Variants in WDR55 observed in about 807,000 individuals in gnomAD.
The protein encoded by WDR55 is WD repeat-containing protein 55.
Under a neutral mutation model 34.0 loss-of-function variants are expected in WDR55, and 31 were observed. The observed-to-expected ratio is 0.91, with a 90% CI of 0.69 to 1.23. WDR55 has a LOEUF of 1.23. WDR55 is among the 50% of genes most tolerant of loss of function. The probability of loss-of-function intolerance (pLI) is 0.00; values close to 1 mark genes in which losing one functional copy is unlikely to be tolerated. For missense variants in WDR55, 440 were observed against 494.6 expected (o/e 0.89, Z 1.05); for synonymous variants, 164 against 185.9 (o/e 0.88, Z 0.96).
chr5:140,668,946 T>G lies in WDR55; in HGVS notation c.616T>G (p.Ser206Ala). Reference protein sequence around the residue: ...NIKRRRFELLSEPQSGDLTSV... With the variant: ...NIKRRRFELLAEPQSGDLTSV... ...TAAGAGGCGTCGGTTTGAGCTGCTC[T>G]CAGAACCTCAGTCTGGGGACCTGAC... is the stretch of plus-strand genomic sequence containing the variant. The change falls in exon 5 of 7, where the codon TCA (serine) becomes GCA (alanine). Residue 206 changes from serine (S) to alanine (A), a missense_variant. Transcript: ENST00000358337. 6.2e-7 allele frequency: 1 copy of G among 1,614,198 alleles called. No individual in the cohort carries two copies. Among genetic ancestry groups the G allele is most frequent in the Non-Finnish European group, 8.5e-7 (1 of 1,180,036 alleles).
chr5:140,672,055 AGTACC>A lies in WDR55; in HGVS notation c.*2406_*2410del. On this transcript the variant is annotated 3_prime_UTR_variant, in exon 7 of 7. Transcript: ENST00000358337. The stretch of plus-strand genomic sequence containing the variant: ...TTGCTGTAAGTCAGTCAGTGTGCTA[AGTACC>A]GTACACCCATTATGTTACTTAATTC... The A allele has an allele frequency of 1.8e-6, 1 of 565,184 alleles. No individual in the cohort carries two copies. The highest frequency in any genetic ancestry group is 2.0e-5 in the South Asian group (1 of 48,800). 35.0% of individuals were successfully genotyped at this position (565,184 alleles called of 1,614,324 possible). A position where few individuals can be genotyped will look rare whatever the true frequency, so the allele number is the denominator to read the frequency against.
chr5:140,665,124 GGGCGCC>G, intron 1 of WDR55, 21 bp downstream of exon 1: 4 of 1,556,204 alleles, frequency 2.6e-6, no homozygotes, highest in Middle Eastern at 1.8e-4. Context: ...GGCAGGGCCG[GGGCGCC>G]GGGTCTGGAA....
rs573335362 is a variant in WDR55 at position 140,671,201 on chromosome 5, G to A, written c.*1547G>A. On this transcript the variant is annotated 3_prime_UTR_variant, in exon 7 of 7. Coordinates refer to ENST00000358337, the MANE Select transcript of WDR55 (RefSeq NM_017706.5). ...GGGCCCATGCCCCTCCCCACCTTTG[G>A]GGGTCAGAAAGTGGCCACCCAGGCC... 7 of 1,536,768 alleles carry A rather than the reference G, an allele frequency of 4.6e-6. No homozygotes were observed. In the South Asian group the frequency reaches 7.9e-5, roughly 17 times the overall value.
rs767033035 is a variant in WDR55, at chr5:140,671,597, T to C, written c.*1943T>C. 113 of 1,571,036 alleles carry C rather than the reference T, an allele frequency of 7.2e-5. 1 individual carries two copies. The South Asian group carries it at 1.0e-3, about 15-fold the overall frequency. On this transcript the variant is annotated 3_prime_UTR_variant, in exon 7 of 7. Coordinates refer to ENST00000358337, the MANE Select transcript of WDR55 (RefSeq NM_017706.5). ...CAACTGCAGGGTAGCCCGAGCCCCT[T>C]GGAACCCTAACTTGTCCCTTGCCAA...
In WDR55 at chr5:140,665,121, C is replaced by T; in HGVS notation, c.191+18C>T. The T allele has an allele frequency of 6.4e-7, 1 of 1,556,936 alleles. No homozygotes were observed. On this transcript the variant is annotated intron_variant, in intron 1 of 6. Coordinates refer to ENST00000358337, the MANE Select transcript of WDR55 (RefSeq NM_017706.5). ...GTGTTCGTGTGAGAGCGGGGCAGGG[C>T]CGGGGCGCCGGGTCTGGAAGCTTCC... is the stretch of plus-strand genomic sequence containing the variant.
intron 4 of WDR55, 41 bp downstream of exon 4, chr5:140,668,832 T>C: frequency 1.9e-6 from 3 of 1,613,502 alleles, no homozygotes; most frequent in Non-Finnish European, 1.7e-6. Flanking sequence ...CCCCTCCCTG[T>C]GTGAAATGTC....
At position 140,665,722 on chromosome 5, in the gene WDR55, C is replaced by G. The variant is rs375256261; in HGVS notation, c.191+619C>G. On this transcript the variant is annotated intron_variant, in intron 1 of 6. Coordinates refer to ENST00000358337, the MANE Select transcript of WDR55 (RefSeq NM_017706.5). ...AGGCCCCTTTAAGTGATTTTTCAAA[C>G]CACAAATCTTGGCTCACGCCTGTAA... 2.1e-4 allele frequency among the ~76,000 whole-genome samples: 32 copies of G among 152,296 alleles called. No individual in the cohort carries two copies. In the East Asian group the frequency reaches 3.3e-3, roughly 16 times the overall value.
At position 140,668,679 on chromosome 5, in the gene WDR55, A is replaced by G. The variant is rs771461479; in HGVS notation, c.448A>G (p.Ile150Val). ...VLATGDDTGG[I>V]CLWDQRKEGP... ...GGCCACTGGGGATGACACAGGTGGT[A>G]TCTGTCTCTGGGACCAGCGGAAGGA... Residue 150 changes from isoleucine (I) to valine (V), a missense_variant, in exon 4 of 7, where the codon ATC becomes GTC. Physicochemically the swap from Ile to Val is conservative, Grantham distance 29. Transcript: ENST00000358337. 2.4e-5 allele frequency: 38 copies of G among 1,614,060 alleles called. No homozygotes were observed. Among genetic ancestry groups the G allele is most frequent in the East Asian group, 4.5e-5 (2 of 44,892 alleles).
At chr5:140,666,070 G>A (rs1581489580) in intron 1 of WDR55, among the ~76,000 whole-genome samples, 1 of 151,976 alleles carries the variant, frequency 6.6e-6, no homozygotes, top group South Asian at 2.1e-4. Flanking sequence ...TCAACGCCCT[G>A]ACCATCTGTG....
chr5:140,667,970 C>G lies in WDR55; in HGVS notation c.192-264C>G, dbSNP rs143979598. The G allele has an allele frequency of 2.4e-3, 747 of 309,150 alleles. 4 individuals carry two copies. The highest frequency in any genetic ancestry group is 0.017 in the Middle Eastern group (18 of 1,048). The allele number at this position is 309,150 out of a possible 1,614,324, so 19.2% of individuals were successfully genotyped here. On this transcript the variant is annotated intron_variant, in intron 1 of 6. Transcript: ENST00000358337. ...CAATCTTTGTCCAGGCTGGGGCTTT[C>G]AAAGATGATAAAGAGGGGTTGGGTG... is the stretch of plus-strand genomic sequence containing the variant.
chr5:140,668,604 GTCTC>G lies in WDR55; in HGVS notation c.381-6_381-3del, dbSNP rs565515996. On this transcript the variant is annotated splice_polypyrimidine_tract_variant and splice_region_variant and intron_variant, in intron 3 of 6. Coordinates refer to ENST00000358337, the MANE Select transcript of WDR55 (RefSeq NM_017706.5). ...ATGCTCCAAGAAGTTCTACATCTGT[GTCTC>G]TAGTGCCCCCATCAATAGTCTTCTG... is the stretch of plus-strand genomic sequence containing the variant. 4,883 of 1,612,624 alleles carry G rather than the reference GTCTC, an allele frequency of 3.0e-3. 50 individuals carry two copies. Among genetic ancestry groups the G allele is most frequent in the South Asian group, 0.021 (1,886 of 90,906 alleles).
At position 140,668,606 on chromosome 5, in the gene WDR55, C is replaced by A; in HGVS notation, c.381-6C>A. ...GCTCCAAGAAGTTCTACATCTGTGT[C>A]TCTAGTGCCCCCATCAATAGTCTTC... On this transcript the variant is annotated splice_polypyrimidine_tract_variant and splice_region_variant and intron_variant, in intron 3 of 6. Transcript: ENST00000358337. The A allele has an allele frequency of 6.2e-7, 1 of 1,602,852 alleles. No individual in the cohort carries two copies. The highest frequency in any genetic ancestry group is 8.5e-7 in the Non-Finnish European group (1 of 1,173,952).
chr5:140,665,109 A>AGCGGG lies in WDR55; in HGVS notation c.191+9_191+13dup. ...GTGGACGGGGACGTGTTCGTGTGAG[A>AGCGGG]GCGGGGCAGGGCCGGGGCGCCGGGT... On this transcript the variant is annotated splice_region_variant and intron_variant, in intron 1 of 6. Coordinates refer to ENST00000358337, the MANE Select transcript of WDR55 (RefSeq NM_017706.5). 6.3e-7 allele frequency: 1 copy of AGCGGG among 1,585,286 alleles called. No homozygotes were observed. The highest frequency in any genetic ancestry group is 8.6e-7 in the Non-Finnish European group (1 of 1,163,298).
Position 140,668,750 on chromosome 5 carries a change from C to T in WDR55, c.519C>T (p.Asp173=), listed in dbSNP as rs1322303694. 6.2e-7 allele frequency: 1 copy of T among 1,614,038 alleles called. No individual in the cohort carries two copies. Among genetic ancestry groups the T allele is most frequent in the African/African-American group, 1.3e-5 (1 of 74,940 alleles). Reference sequence around the variant, plus strand: ...GGCAACATGAAGAGTACATCGCAGACATGGCTCTGGATCCAGCCAAAAAGC... The same window carrying T: ...GGCAACATGAAGAGTACATCGCAGATATGGCTCTGGATCCAGCCAAAAAGC... The part of the protein sequence containing the change: ...DMRQHEEYIA[D]MALDPAKKLL... The change falls in exon 4 of 7, where the codon GAC becomes GAT. Residue 173 remains aspartate, a synonymous_variant. Coordinates refer to ENST00000358337, the MANE Select transcript of WDR55 (RefSeq NM_017706.5).
At chr5:140,668,107 TGG>T in intron 1 of WDR55, 125 bp from the exon 2 acceptor site, 1 of 1,045,086 alleles carries the variant, frequency 9.6e-7, no homozygotes, top group South Asian at 2.1e-5. Flanking sequence ...GTAAACTTTT[TGG>T]GCTTAGAGGT....
chr5:140,669,336 T>C lies in WDR55; in HGVS notation c.834T>C (p.Ala278=), dbSNP rs761049037. 10 of 1,610,620 alleles carry C rather than the reference T, an allele frequency of 6.2e-6. No homozygotes were observed. In the South Asian group the frequency reaches 1.1e-4, roughly 18 times the overall value. ...ACACTGTTCTTTCCCTGCCCAGGGC[T>C]GTGAACATCCTACCGAACCGAGTGG... The part of the protein sequence containing the change: ...CTGSTDGVIR[A]VNILPNRVVG... The change falls in exon 7 of 7, where the codon GCT becomes GCC. Residue 278 remains alanine (A), a synonymous_variant. Transcript: ENST00000358337.
At position 140,671,900 on chromosome 5, in the gene WDR55, T is replaced by C. The variant is rs1339635399; in HGVS notation, c.*2246T>C. ...TGGGTAAGAAAAGACAATGAAGCCT[T>C]CAGCCTCCATTATTTGCAAAGGGAG... is the stretch of plus-strand genomic sequence containing the variant. On this transcript the variant is annotated 3_prime_UTR_variant, in exon 7 of 7. Coordinates refer to ENST00000358337, the MANE Select transcript of WDR55 (RefSeq NM_017706.5). 1.2e-6 allele frequency: 1 copy of C among 856,356 alleles called. No individual in the cohort carries two copies. The highest frequency in any genetic ancestry group is 1.7e-5 in the African/African-American group (1 of 59,468). 53.0% of individuals were successfully genotyped at this position (856,356 alleles called of 1,614,324 possible). A position where few individuals can be genotyped will look rare whatever the true frequency, so the allele number is the denominator to read the frequency against.
chr5:140,669,486 AG>A lies in WDR55; in HGVS notation c.985del (p.Ala329LeufsTer20). The part of the protein sequence containing the change: ...LKFWDMAQLR[A>X]VVVDDYRRRK... ...AGTTTTGGGACATGGCCCAGCTGCG[AG>A]CTGTGGTGGTGGATGACTACCGTCG... is the stretch of plus-strand genomic sequence containing the variant. On this transcript the variant is annotated frameshift_variant, in exon 7 of 7. Coordinates refer to ENST00000358337, the MANE Select transcript of WDR55 (RefSeq NM_017706.5). LOFTEE classifies it high-confidence loss of function. The A allele has an allele frequency of 6.2e-7, 1 of 1,614,074 alleles. No individual in the cohort carries two copies. Among genetic ancestry groups the A allele is most frequent in the Non-Finnish European group, 8.5e-7 (1 of 1,180,004 alleles).
Position 140,671,247 on chromosome 5 carries a change from C to A in WDR55, c.*1593C>A. 1 of 1,610,266 alleles carries A rather than the reference C, an allele frequency of 6.2e-7. No individual in the cohort carries two copies. The highest frequency in any genetic ancestry group is 1.3e-5 in the African/African-American group (1 of 75,030). ...AGGCCTGCTGGGATGGGGCCTGACACAGGCTCTGCATGCCCATTCAGGGTG... is the reference window on the plus strand; with the variant it reads ...AGGCCTGCTGGGATGGGGCCTGACAAAGGCTCTGCATGCCCATTCAGGGTG... On this transcript the variant is annotated 3_prime_UTR_variant, in exon 7 of 7. Coordinates refer to ENST00000358337, the MANE Select transcript of WDR55 (RefSeq NM_017706.5).
Sources: allele counts gnomAD v4.1 joint callset (sites outside exome capture counted in the v4.1 genomes callset), GRCh38; gene constraint gnomAD v4.1.1; transcripts MANE v1.5; gene names NCBI Gene and HGNC (gene_info 2026-07-23, HGNC 2026-07-21).